The following CRACR2A variants were observed in gnomAD, a reference collection of about 807,000 sequenced individuals.
The protein encoded by CRACR2A is EF-hand calcium-binding domain-containing protein 4B.
A neutral mutation model predicts 90.5 loss-of-function variants in CRACR2A; 79 were observed. That is an observed-to-expected ratio of 0.87 (90% CI 0.73 to 1.05). CRACR2A has a LOEUF of 1.05. Among genes scored for constraint, CRACR2A ranks in the 50% least tolerant of loss-of-function variants. The probability of loss-of-function intolerance (pLI) is 0.00; values close to 1 mark genes in which losing one functional copy is unlikely to be tolerated. For synonymous variants in CRACR2A, 338 were observed against 356.7 expected, an observed-to-expected ratio of 0.95 and a Z score of 0.59; for missense variants, 823 against 897.2, an observed-to-expected ratio of 0.92 and a Z score of 1.06.
In CRACR2A at chr12:3,673,529, G is replaced by C. The variant is rs759816448; in HGVS notation, c.588C>G (p.Asn196Lys). The change falls in exon 7 of 20, where the codon AAC becomes AAG. Residue 196 changes from asparagine (N) to lysine (K), a missense_variant. Physicochemically the swap from Asn to Lys is moderately conservative, Grantham distance 94 (BLOSUM62 0). Transcript: ENST00000440314. Reference protein sequence around the residue: ...LKKEEPHLLSNFEDFLTRIIS... With the variant: ...LKKEEPHLLSKFEDFLTRIIS... Reference sequence around the variant, plus strand: ...TGATTCTGGTCAGGAAGTCTTCAAAGTTGGACAGTAAATGAGGTTCCTCCT... The same window carrying C: ...TGATTCTGGTCAGGAAGTCTTCAAACTTGGACAGTAAATGAGGTTCCTCCT... The C allele has an allele frequency of 6.2e-6, 10 of 1,614,140 alleles. No individual in the cohort carries two copies. Among genetic ancestry groups the C allele is most frequent in the Non-Finnish European group, 7.6e-6 (9 of 1,180,030 alleles).
At position 3,711,832 on chromosome 12, in the gene CRACR2A, A is replaced by T. The variant is rs1946009976; in HGVS notation, c.-37+1405T>A. Among the ~76,000 whole-genome samples the T allele has an allele frequency of 6.6e-6, 1 of 152,228 alleles. No individual in the cohort carries two copies. The highest frequency in any genetic ancestry group is 2.4e-5 in the African/African-American group (1 of 41,456). ...AGTATTAGTTAGAGTTTAACATACA[A>T]GATGCTATACTGAGGTGGAATAAAA... On this transcript the variant is annotated intron_variant, in intron 3 of 19. Coordinates refer to ENST00000440314, the MANE Select transcript of CRACR2A (RefSeq NM_001144958.2). This position sits in a 1 kb window ranked among gnomAD's most constrained non-coding sequence, Gnocchi z 4.3.
At chr12:3,682,380 CA>C (rs1945472092) in intron 4 of CRACR2A, among the ~76,000 whole-genome samples, 1 of 152,194 alleles carries the variant, frequency 6.6e-6, no homozygotes, top group African/African-American at 2.4e-5. Flanking sequence ...GGCTAGTTCA[CA>C]GCTCACCTTA....
At chr12:3,685,722 C>G (rs774646022) in intron 4 of CRACR2A, among the ~76,000 whole-genome samples, 2 of 152,140 alleles carry the variant, frequency 1.3e-5, no homozygotes, top group Non-Finnish European at 2.9e-5. Flanking sequence ...TTGCCAGGGG[C>G]TGGGAGTGGG....
rs776252140 is a variant in CRACR2A, at chr12:3,680,321, A to G, written c.257T>C (p.Leu86Pro). The change falls in exon 5 of 20, where the codon CTG (leucine) becomes CCG (proline). Residue 86 changes from leucine (L) to proline (P), a missense_variant. Physicochemically the swap from Leu to Pro is moderately conservative, Grantham distance 98 (BLOSUM62 -3). Coordinates refer to ENST00000440314, the MANE Select transcript of CRACR2A (RefSeq NM_001144958.2). ...ATCAAACACATCCTCCAGTTCCTCC[A>G]GGCTGAGCGGTAGCTCCTTATGCAG... ...QRLHKELPLS[L>P]EELEDVFDAL... 1.1e-5 allele frequency: 18 copies of G among 1,614,066 alleles called. No individual in the cohort carries two copies. In the Admixed American group the frequency reaches 2.3e-4, roughly 21 times the overall value.
intron 3 of CRACR2A, among the ~76,000 whole-genome samples, chr12:3,704,478 C>A (rs1945884365): frequency 6.6e-6 from 1 of 152,076 alleles, no homozygotes; most frequent in African/African-American, 2.4e-5. Context: ...TGATAGTTTC[C>A]TGGACTTATT....
At chr12:3,622,086 T>C (rs1439570307) in intron 17 of CRACR2A, among the ~76,000 whole-genome samples, 1 of 152,154 alleles carries the variant, frequency 6.6e-6, no homozygotes, top group Non-Finnish European at 1.5e-5. Context: ...ACCTTTCTCA[T>C]ACCTAACTAG....
intron 6 of CRACR2A, among the ~76,000 whole-genome samples, chr12:3,677,872 A>G (rs1181248863): frequency 2.0e-5 from 3 of 152,050 alleles, no homozygotes; most frequent in African/African-American, 4.8e-5. Flanking sequence ...CCTGGAACAC[A>G]CTTTCGCCAG....
rs1232649023 is a variant in CRACR2A at position 3,619,334 on chromosome 12, AC to A, written c.1970del (p.Gly657ValfsTer26). 1.3e-6 allele frequency: 2 copies of A among 1,551,532 alleles called. No individual in the cohort carries two copies. The highest frequency in any genetic ancestry group is 1.7e-6 in the Non-Finnish European group (2 of 1,146,986). On this transcript the variant is annotated frameshift_variant, in exon 18 of 20. Transcript: ENST00000440314. LOFTEE classifies it high-confidence loss of function. Reference sequence around the variant, plus strand: ...GCTCCTTCTCGTTGTCAAGCTTATTACCCAGCAGAAGAACAGGCACCCGGTC... The same window carrying A: ...GCTCCTTCTCGTTGTCAAGCTTATTACCAGCAGAAGAACAGGCACCCGGTC... The part of the protein sequence containing the change: ...VGDRVPVLLL[G>X]NKLDNEKERE...
rs906780422 is a variant in CRACR2A, at chr12:3,654,411, T to C, written c.859-12A>G. The C allele has an allele frequency of 6.3e-7, 1 of 1,579,540 alleles. No homozygotes were observed. Among genetic ancestry groups the C allele is most frequent in the Non-Finnish European group, 8.6e-7 (1 of 1,164,632 alleles). On this transcript the variant is annotated splice_polypyrimidine_tract_variant and intron_variant, in intron 9 of 19. Transcript: ENST00000440314. ...CACTGACCTTCCAGCTGCAAAGGAA[T>C]GGGGAGCAGAGGGGAATGAGGAGTG...
intron 9 of CRACR2A, among the ~76,000 whole-genome samples, chr12:3,656,064 T>G (rs1286607330): frequency 6.6e-6 from 1 of 152,198 alleles, no homozygotes; most frequent in Non-Finnish European, 1.5e-5. Flanking sequence ...TATAGGAACA[T>G]GTCTGCAGAT....
At chr12:3,654,919 A>C (rs890266071) in intron 9 of CRACR2A, among the ~76,000 whole-genome samples, 2 of 152,220 alleles carry the variant, frequency 1.3e-5, no homozygotes, top group African/African-American at 4.8e-5. Flanking sequence ...GGTAGCCAGA[A>C]GCCCTGAAAA....
intron 4 of CRACR2A, among the ~76,000 whole-genome samples, chr12:3,686,439 A>G (rs987551933): frequency 2.8e-4 from 42 of 152,324 alleles, no homozygotes; most frequent in Middle Eastern, 3.4e-3. Context: ...TAAGTTTGGC[A>G]TAGCCAAGAA....
At chr12:3,651,892 T>A (rs1023198920) in intron 10 of CRACR2A, among the ~76,000 whole-genome samples, 6 of 152,162 alleles carry the variant, frequency 3.9e-5, no homozygotes, top group African/African-American at 1.4e-4. Flanking sequence ...GCCCTCTCCA[T>A]CTGCCGGTCT....
chr12:3,650,906 T>C (rs1387380187), intron 10 of CRACR2A, among the ~76,000 whole-genome samples: 3 of 152,246 alleles, frequency 2.0e-5, no homozygotes. Context: ...TGCTTGGATA[T>C]TTGTACATCC....
chr12:3,666,354 T>C (rs201151553), intron 7 of CRACR2A, among the ~76,000 whole-genome samples: 23 of 145,048 alleles, frequency 1.6e-4, no homozygotes, highest in African/African-American at 3.1e-4. Flanking sequence ...TGTGTGTGTG[T>C]GCGTGCGTGT....
intron 13 of CRACR2A, among the ~76,000 whole-genome samples, 184 bp from the exon 14 acceptor site, chr12:3,638,638 A>G (rs1465553743): frequency 9.9e-5 from 15 of 152,190 alleles, no homozygotes; most frequent in African/African-American, 3.4e-4. Flanking sequence ...ACACGCTTCC[A>G]CTAAGTGCCT....
At chr12:3,665,016 C>T (rs904252540) in intron 7 of CRACR2A, among the ~76,000 whole-genome samples, 1 of 152,198 alleles carries the variant, frequency 6.6e-6, no homozygotes. Context: ...CAAAAACAAA[C>T]AAACACTTCT....
chr12:3,682,856 C>T (rs991212654), intron 4 of CRACR2A, among the ~76,000 whole-genome samples: 1 of 151,502 alleles, frequency 6.6e-6, no homozygotes, highest in Admixed American at 6.6e-5. Context: ...GATCTCAGCT[C>T]ACTGCAACCT....
intron 7 of CRACR2A, among the ~76,000 whole-genome samples, chr12:3,665,047 A>C (rs1945104806): frequency 6.6e-6 from 1 of 152,192 alleles, no homozygotes; most frequent in African/African-American, 2.4e-5. Flanking sequence ...CCCAGAACTC[A>C]AATGGTATCT....
Sources: gnomAD v4.1 joint callset for allele counts (sites outside exome capture counted in the v4.1 genomes callset) on GRCh38, gnomAD v4.1.1 for gene constraint, Gnocchi (gnomAD v3.1) non-coding constraint, MANE v1.5 for transcripts, NCBI Gene and HGNC (gene_info 2026-07-23, HGNC 2026-07-21) for gene names.